PPP1R12A: variants seen among roughly 807,000 people sequenced by gnomAD.
The protein encoded by PPP1R12A is protein phosphatase 1 regulatory subunit 12A.
PPP1R12A carries 19 observed loss-of-function variants against 139.6 expected under a neutral mutation model. The observed-to-expected ratio is 0.14, with a 90% CI of 0.09 to 0.20. The LOEUF is 0.20. PPP1R12A is among the 10% of genes least tolerant of loss of function. PPP1R12A has a pLI of 1.00. For synonymous variants in PPP1R12A, 427 were observed against 420.6 expected, an observed-to-expected ratio of 1.02 and a Z score of -0.19; for missense variants, 925 against 1,211.5, an observed-to-expected ratio of 0.76 and a Z score of 3.51.
intron 2 of PPP1R12A, among the ~76,000 whole-genome samples, chr12:79,855,198 C>T (rs908280971): frequency 2.0e-5 from 3 of 152,020 alleles, no homozygotes; most frequent in South Asian, 2.1e-4. Flanking sequence ...CCGTGTTAGC[C>T]AGGATGGCCT....
At chr12:79,814,260 G>A (rs1187119383) in intron 9 of PPP1R12A, among the ~76,000 whole-genome samples, 2 of 149,220 alleles carry the variant, frequency 1.3e-5, no homozygotes, top group East Asian at 2.0e-4. Context: ...GGTGGATCAC[G>A]AGGTCAGGAG....
At chr12:79,840,897 A>G (rs1175994350) in intron 3 of PPP1R12A, among the ~76,000 whole-genome samples, 1 of 152,286 alleles carries the variant, frequency 6.6e-6, no homozygotes, top group African/African-American at 2.4e-5. Context: ...ATGTCTACAA[A>G]AATAGATATC....
chr12:79,856,937 G>A (rs1880726788), intron 2 of PPP1R12A, among the ~76,000 whole-genome samples: 1 of 152,166 alleles, frequency 6.6e-6, no homozygotes, highest in South Asian at 2.1e-4. Context: ...CAAAGAAATG[G>A]TAAGTATAAA....
At chr12:79,780,807 CAG>C (rs1312227692) in intron 23 of PPP1R12A, 1 of 152,050 alleles carries the variant, frequency 6.6e-6, no homozygotes, top group African/African-American at 2.4e-5. Flanking sequence ...AAACATGACT[CAG>C]AACACTAATT....
chr12:79,913,730 T>C (rs1464252765), intron 1 of PPP1R12A: 1 of 152,180 alleles, frequency 6.6e-6, no homozygotes, highest in East Asian at 1.9e-4. Flanking sequence ...CACACATATC[T>C]GGGATTTTGT....
intron 2 of PPP1R12A, among the ~76,000 whole-genome samples, chr12:79,870,767 T>G (rs965759999): frequency 1.3e-5 from 2 of 152,066 alleles, no homozygotes; most frequent in Non-Finnish European, 1.5e-5. Flanking sequence ...CATTAGCAAC[T>G]GCAACAAACT....
At chr12:79,843,058 T>G (rs1878932328) in intron 3 of PPP1R12A, among the ~76,000 whole-genome samples, 1 of 152,316 alleles carries the variant, frequency 6.6e-6, no homozygotes, top group South Asian at 2.1e-4. Context: ...TGGTTTTTTT[T>G]GATCACTGGC....
chr12:79,908,605 T>C (rs555869889), intron 1 of PPP1R12A, among the ~76,000 whole-genome samples: 4 of 152,296 alleles, frequency 2.6e-5, no homozygotes, highest in East Asian at 1.9e-4. Context: ...TAATCTAATA[T>C]AGTTAAATTG....
intron 3 of PPP1R12A, among the ~76,000 whole-genome samples, chr12:79,833,846 GAAAAAA>G (rs371589074): frequency 5.1e-5 from 6 of 116,784 alleles, no homozygotes; most frequent in African/African-American, 1.8e-4. Flanking sequence ...CAAAGAAAAG[GAAAAAA>G]AAAAAAAAAA....
chr12:79,920,325 C>T (rs1459308315), intron 1 of PPP1R12A, among the ~76,000 whole-genome samples: 3 of 152,206 alleles, frequency 2.0e-5, no homozygotes, highest in Admixed American at 6.5e-5. Flanking sequence ...ATGAACATTA[C>T]TATACACATT....
chr12:79,814,390 T>A (rs1216759808), intron 9 of PPP1R12A, among the ~76,000 whole-genome samples: 2 of 137,456 alleles, frequency 1.5e-5, no homozygotes, highest in African/African-American at 2.8e-5. Flanking sequence ...GGCAGGAGAA[T>A]GGCGTGAACT....
chr12:79,791,025 C>G (rs1351666058), intron 19 of PPP1R12A, among the ~76,000 whole-genome samples: 1 of 152,080 alleles, frequency 6.6e-6, no homozygotes, highest in African/African-American at 2.4e-5. Context: ...CTGTAAATTT[C>G]CTCTGCAAAA....
At chr12:79,876,034 T>C (rs1006423729) in intron 1 of PPP1R12A, among the ~76,000 whole-genome samples, 1 of 152,232 alleles carries the variant, frequency 6.6e-6, no homozygotes, top group Non-Finnish European at 1.5e-5. Context: ...AGTTTGGGGC[T>C]GGCTGATGAG....
chr12:79,821,265 T>C, intron 6 of PPP1R12A, 99 bp from the exon 7 acceptor site: 2 of 775,922 alleles, frequency 2.6e-6, no homozygotes, highest in Non-Finnish European at 4.2e-6. Flanking sequence ...TTTCAGACAT[T>C]AAATAAGACA....
intron 19 of PPP1R12A, 65 bp downstream of exon 19, chr12:79,793,798 C>A: frequency 7.9e-7 from 1 of 1,265,048 alleles, no homozygotes; most frequent in Non-Finnish European, 1.1e-6. Context: ...CATAATAAAA[C>A]GCAATTTAAA....
chr12:79,935,155 C>G, upstream of PPP1R12A: 3 of 1,343,558 alleles, frequency 2.2e-6, no homozygotes, highest in Non-Finnish European at 2.9e-6. Flanking sequence ...CCTCCCGCCC[C>G]CAGCACGGCC....
chr12:79,800,733 CTTTTTTT>C (rs34522404), intron 14 of PPP1R12A, among the ~76,000 whole-genome samples: 5 of 137,108 alleles, frequency 3.6e-5, no homozygotes, highest in Non-Finnish European at 6.3e-5. Context: ...TCAAATGCTA[CTTTTTTT>C]TTTTTTTTTT....
chr12:79,911,602 G>GTT (rs373594794), intron 1 of PPP1R12A, among the ~76,000 whole-genome samples: 1 of 150,776 alleles, frequency 6.6e-6, no homozygotes, highest in Non-Finnish European at 1.5e-5. Flanking sequence ...GAAATAAAAG[G>GTT]TTTTTTTTTA....
chr12:79,802,492 G>A (rs1392673980), intron 14 of PPP1R12A, among the ~76,000 whole-genome samples: 1 of 152,164 alleles, frequency 6.6e-6, no homozygotes. Context: ...GTTAAACAAA[G>A]CTTATAGCAG....
Sources: gnomAD v4.1 joint callset for allele counts (sites outside exome capture counted in the v4.1 genomes callset) on GRCh38, gnomAD v4.1.1 for gene constraint, MANE v1.5 for transcripts, NCBI Gene and HGNC (gene_info 2026-07-23, HGNC 2026-07-21) for gene names.